The following PCM1 variants were observed in gnomAD, a reference collection of about 807,000 sequenced individuals.
PCM1 encodes pericentriolar material 1.
In PCM1, 157 loss-of-function variants were observed where a neutral mutation model predicts 241.9. That is an observed-to-expected ratio of 0.65 (90% CI 0.57 to 0.74). The LOEUF (loss-of-function observed/expected upper bound fraction) is 0.74. Ranked by LOEUF, PCM1 falls within the 30% of genes least tolerant of loss-of-function variation. PCM1 has a pLI of 0.00. For synonymous variants in PCM1, 1,085 were observed against 784.9 expected, an observed-to-expected ratio of 1.38 and a Z score of -6.39; for missense variants, 3,478 against 2,360.1, an observed-to-expected ratio of 1.47 and a Z score of -9.81.
rs760349351 is a variant in PCM1, at chr8:17,941,833, A to G, written c.783+1972A>G. On this transcript the variant is annotated intron_variant, in intron 6 of 38. Transcript: ENST00000325083. ...TAGCCAAAAACGTGGATTTCCCTCA[A>G]AGGTATACTTTACAATATTAACTTG... is the stretch of plus-strand genomic sequence containing the variant. Among the ~76,000 whole-genome samples, 3 of 151,210 alleles carry G rather than the reference A, an allele frequency of 2.0e-5. No individual in the cohort carries two copies. The East Asian group carries it at 5.9e-4, about 30-fold the overall frequency.
Position 18,014,744 on chromosome 8 carries a change from G to A in PCM1, c.5745G>A (p.Val1915=), listed in dbSNP as rs776447708. 2.2e-5 allele frequency: 36 copies of A among 1,612,492 alleles called. No individual in the cohort carries two copies. In the Middle Eastern group the frequency reaches 4.9e-4, roughly 22 times the overall value. Residue 1915 remains valine, a synonymous_variant, in exon 36 of 39, where the codon GTG becomes GTA. Coordinates refer to ENST00000325083, the MANE Select transcript of PCM1 (RefSeq NM_006197.4). Reference sequence around the variant, plus strand: ...GTTTACCTGAAATGGAACCCTTAGTGCCTAGAGTCAAAGAAGTTAAATCTG... The same window carrying A: ...GTTTACCTGAAATGGAACCCTTAGTACCTAGAGTCAAAGAAGTTAAATCTG... ...PLRLPEMEPL[V]PRVKEVKSAQ... is the part of the protein sequence containing the mutation.
At chr8:17,985,879 T>A in intron 25 of PCM1, 80 bp from the exon 26 acceptor site, 3 of 1,036,450 alleles carry the variant, frequency 2.9e-6, no homozygotes, top group East Asian at 5.5e-5. Flanking sequence ...TCCATCTGCT[T>A]TTATTTTTGA....
At chr8:17,957,887 C>T in intron 13 of PCM1, 112 bp downstream of exon 13, 1 of 713,114 alleles carries the variant, frequency 1.4e-6, no homozygotes, top group South Asian at 2.0e-5. Context: ...ATTTATGTAT[C>T]ATATGTGAGG....
intron 21 of PCM1, among the ~76,000 whole-genome samples, 197 bp downstream of exon 21, chr8:17,967,367 G>C (rs2075279743): frequency 1.3e-5 from 2 of 151,062 alleles, no homozygotes; most frequent in East Asian, 1.9e-4. Context: ...GGAATGCAGT[G>C]ACATGATCTT....
Position 17,950,735 on chromosome 8 carries a change from T to C in PCM1, c.1071+11T>C. The C allele has an allele frequency of 2.1e-6, 3 of 1,414,978 alleles. No individual in the cohort carries two copies. Among genetic ancestry groups the C allele is most frequent in the Non-Finnish European group, 3.0e-6 (3 of 1,013,660 alleles). 87.7% of individuals were successfully genotyped at this position (1,414,978 alleles called of 1,614,324 possible). Reference sequence around the variant, plus strand: ...CTTCGTGATTCTCAGGTAACCTAGATGTTTTAGTATAGTTGAGTTTAAAAA... The same window carrying C: ...CTTCGTGATTCTCAGGTAACCTAGACGTTTTAGTATAGTTGAGTTTAAAAA... On this transcript the variant is annotated intron_variant, in intron 8 of 38. Coordinates refer to ENST00000325083, the MANE Select transcript of PCM1 (RefSeq NM_006197.4).
In PCM1 at chr8:18,014,937, T is replaced by A. The variant is rs2092979282; in HGVS notation, c.5841+97T>A. The stretch of plus-strand genomic sequence containing the variant: ...CATTCTCCACATGTAAACCATTTTG[T>A]GTTTAGGTTTAGAACATGTTGGAAC... On this transcript the variant is annotated intron_variant, in intron 36 of 38. Transcript: ENST00000325083. The A allele has an allele frequency of 3.6e-6, 4 of 1,105,548 alleles. No individual in the cohort carries two copies. The East Asian group carries it at 1.0e-4, about 29-fold the overall frequency. The allele number at this position is 1,105,548 out of a possible 1,614,324, so 68.5% of individuals were successfully genotyped here. A position where few individuals can be genotyped will look rare whatever the true frequency, so the allele number is the denominator to read the frequency against.
intron 23 of PCM1, among the ~76,000 whole-genome samples, chr8:17,976,428 T>G (rs896688477): frequency 1.3e-5 from 2 of 152,214 alleles, no homozygotes; most frequent in African/African-American, 2.4e-5. Flanking sequence ...GTCTCATGTT[T>G]CATTAGAACC....
intron 29 of PCM1, among the ~76,000 whole-genome samples, chr8:17,997,251 A>G: frequency 6.6e-6 from 1 of 152,106 alleles, no homozygotes; most frequent in East Asian, 1.9e-4. Context: ...TGACAAGTCT[A>G]CTGCCAGATA....
At chr8:17,993,828 A>G (rs1001162798) in intron 29 of PCM1, among the ~76,000 whole-genome samples, 4 of 152,156 alleles carry the variant, frequency 2.6e-5, no homozygotes, top group Non-Finnish European at 5.9e-5. Context: ...CATTTACTAT[A>G]TCATAAACTT....
chr8:17,937,639 A>G (rs1188065137), intron 4 of PCM1, among the ~76,000 whole-genome samples: 3 of 152,136 alleles, frequency 2.0e-5, no homozygotes, highest in Admixed American at 6.6e-5. Flanking sequence ...TGATTTTACT[A>G]TACAACTAAA....
At chr8:18,019,374 T>A (rs925463035) in intron 36 of PCM1, among the ~76,000 whole-genome samples, 1 of 152,164 alleles carries the variant, frequency 6.6e-6, no homozygotes, top group Non-Finnish European at 1.5e-5. Flanking sequence ...GGAAGACAAT[T>A]TTTCCATGGA....
intron 2 of PCM1, chr8:17,926,104 T>C (rs759880558): frequency 6.6e-6 from 1 of 151,920 alleles, no homozygotes; most frequent in Non-Finnish European, 1.5e-5. Flanking sequence ...AATACTACAG[T>C]GATTGCTGTA....
At chr8:18,022,534 C>T (rs184137840) in intron 36 of PCM1, among the ~76,000 whole-genome samples, 1 of 152,314 alleles carries the variant, frequency 6.6e-6, no homozygotes, top group East Asian at 1.9e-4. Context: ...GTATCCTTCC[C>T]CTAGCAGGTT....
intron 27 of PCM1, among the ~76,000 whole-genome samples, chr8:17,991,155 G>T (rs2084491608): frequency 6.6e-6 from 1 of 151,616 alleles, no homozygotes; most frequent in South Asian, 2.1e-4. Flanking sequence ...CTTGTTTTAG[G>T]TTGCGTTGTT....
At chr8:18,016,316 T>TAAAG (rs1219425920) in intron 36 of PCM1, among the ~76,000 whole-genome samples, 3 of 152,188 alleles carry the variant, frequency 2.0e-5, no homozygotes, top group Admixed American at 6.5e-5. Flanking sequence ...CATTAACACC[T>TAAAG]AAAGACTCTG....
At chr8:17,983,832 A>T (rs919727390) in intron 24 of PCM1, among the ~76,000 whole-genome samples, 1 of 152,178 alleles carries the variant, frequency 6.6e-6, no homozygotes, top group Non-Finnish European at 1.5e-5. Context: ...CTCCTCTTGC[A>T]GCTTTACATG....
At position 17,937,323 on chromosome 8, in the gene PCM1, G is replaced by C. The variant is rs773043738; in HGVS notation, c.286G>C (p.Glu96Gln). 4 of 1,608,760 alleles carry C rather than the reference G, an allele frequency of 2.5e-6. No homozygotes were observed. The South Asian group carries it at 3.3e-5, about 13-fold the overall frequency. Residue 96 changes from glutamate to glutamine, a missense_variant, in exon 4 of 39, where the codon GAG (glutamate) becomes CAG (glutamine). Physicochemically the swap from Glu to Gln is conservative, Grantham distance 29 (BLOSUM62 2). Transcript: ENST00000325083. ...ATACATGAGTCAGATGTCTGTCCCA[G>C]AGCAGGCAGAATTAGAGAAACTGAA... ...SRYMSQMSVP[E>Q]QAELEKLKQR...
intron 2 of PCM1, among the ~76,000 whole-genome samples, chr8:17,928,592 C>T (rs2057896247): frequency 1.4e-5 from 2 of 142,618 alleles, no homozygotes; most frequent in African/African-American, 5.1e-5. Flanking sequence ...TCTCCTTTCT[C>T]TTCTGCATTT....
chr8:18,009,945 C>T (rs898000044), intron 31 of PCM1, among the ~76,000 whole-genome samples: 1 of 152,150 alleles, frequency 6.6e-6, no homozygotes, highest in Admixed American at 6.5e-5. Flanking sequence ...ATCAGGAATG[C>T]GGGCAGGAAT....
Sources: allele counts gnomAD v4.1 joint callset (sites outside exome capture counted in the v4.1 genomes callset), GRCh38; gene constraint gnomAD v4.1.1; transcripts MANE v1.5; gene names NCBI Gene and HGNC (gene_info 2026-07-23, HGNC 2026-07-21).